SEPTIN7: variants seen among roughly 807,000 people sequenced by gnomAD.
SEPTIN7 encodes septin 7, also known as septin-7.
A neutral mutation model predicts 63.3 loss-of-function variants in SEPTIN7; 10 were observed. That is an observed-to-expected ratio of 0.16 (90% CI 0.10 to 0.27). The LOEUF (loss-of-function observed/expected upper bound fraction) is 0.27, where lower values mean the gene tolerates loss of function less well. Ranked by LOEUF, SEPTIN7 falls within the 10% of genes least tolerant of loss-of-function variation. SEPTIN7 has a pLI of 1.00. For missense variants in SEPTIN7, 310 were observed against 521.0 expected (o/e 0.59, Z 3.94); for synonymous variants, 131 against 165.3 (o/e 0.79, Z 1.59).
chr7:35,904,205 T>A (rs368801092), intron 13 of SEPTIN7, 49 bp from the exon 14 acceptor site: 2 of 1,391,572 alleles, frequency 1.4e-6, no homozygotes, highest in Non-Finnish European at 2.0e-6. Context: ...TTGTCTATCA[T>A]GTTTATAAAA....
downstream of SEPTIN7, among the ~76,000 whole-genome samples, chr7:35,910,336 C>T (rs1168677769): frequency 1.3e-5 from 2 of 152,210 alleles, no homozygotes; most frequent in Non-Finnish European, 2.9e-5. Context: ...ATTTAGCTGA[C>T]TTTCTGGGTA....
rs144708018 is a variant in SEPTIN7 at position 35,829,502 on chromosome 7, C to G, written c.62-1990C>G. ...ACAATTTTAAAATAATACTGTGTGC[C>G]AAAGACTGTTCTTGTTGCTAAGGAT... On this transcript the variant is annotated intron_variant, in intron 1 of 13. Coordinates refer to ENST00000350320, the MANE Select transcript of SEPTIN7 (RefSeq NM_001788.6). 4.7e-3 allele frequency among the ~76,000 whole-genome samples: 711 copies of G among 152,186 alleles called. 11 individuals carry two copies. Among genetic ancestry groups the G allele is most frequent in the African/African-American group, 0.016 (674 of 41,528 alleles).
intron 1 of SEPTIN7, among the ~76,000 whole-genome samples, chr7:35,816,085 A>G (rs1789039783): frequency 1.3e-5 from 2 of 152,164 alleles, no homozygotes; most frequent in African/African-American, 4.8e-5. Context: ...ATTTATTGAG[A>G]TAATTTACAT....
chr7:35,877,517 AATT>A (rs1285031722), intron 6 of SEPTIN7, among the ~76,000 whole-genome samples: 1 of 152,212 alleles, frequency 6.6e-6, no homozygotes, highest in African/African-American at 2.4e-5. Context: ...ATGTCAATAA[AATT>A]ATTAACAGAA....
chr7:35,885,798 T>C (rs773209566), intron 9 of SEPTIN7, 30 bp from the exon 10 acceptor site: 447 of 1,557,748 alleles, frequency 2.9e-4, no homozygotes, highest in Non-Finnish European at 3.7e-4. Flanking sequence ...AGTGGAAATA[T>C]AACATATGCG....
At chr7:35,873,870 C>T (rs1463123706) in intron 6 of SEPTIN7, 95 bp downstream of exon 6, 9 of 1,186,524 alleles carry the variant, frequency 7.6e-6, no homozygotes, top group Non-Finnish European at 1.1e-5. Flanking sequence ...TTGTGAAGTA[C>T]ACACAACTAT....
intron 6 of SEPTIN7, among the ~76,000 whole-genome samples, chr7:35,874,949 T>G (rs1469013484): frequency 2.0e-5 from 3 of 152,184 alleles, no homozygotes; most frequent in Non-Finnish European, 4.4e-5. Context: ...TATTTTTAAG[T>G]CATTCTCGTT....
chr7:35,862,163 G>A (rs529377108), intron 3 of SEPTIN7, among the ~76,000 whole-genome samples: 22 of 152,138 alleles, frequency 1.4e-4, no homozygotes, highest in Non-Finnish European at 1.2e-4. Context: ...AAAATCATCC[G>A]TATTGTACTA....
chr7:35,904,383 C>A lies in SEPTIN7; in HGVS notation c.*90C>A. 2 of 1,034,150 alleles carry A rather than the reference C, an allele frequency of 1.9e-6. No homozygotes were observed. Among genetic ancestry groups the A allele is most frequent in the East Asian group, 2.8e-5 (1 of 35,486 alleles). The allele number at this position is 1,034,150 out of a possible 1,614,324, so 64.1% of individuals were successfully genotyped here. A position where few individuals can be genotyped will look rare whatever the true frequency, so the allele number is the denominator to read the frequency against. On this transcript the variant is annotated 3_prime_UTR_variant, in exon 14 of 14. Transcript: ENST00000350320. ...TTGGATCCGTTTGACCAATTTGCACCAGTTTTATCCATAATGATGGATTTA... is the reference window on the plus strand; with the variant it reads ...TTGGATCCGTTTGACCAATTTGCACAAGTTTTATCCATAATGATGGATTTA...
chr7:35,907,518 TG>T (rs989025882), downstream of SEPTIN7, among the ~76,000 whole-genome samples: 6 of 152,012 alleles, frequency 3.9e-5, no homozygotes, highest in Non-Finnish European at 8.8e-5. Flanking sequence ...TGCAAAAGGA[TG>T]AGGAAACTGA....
downstream of SEPTIN7, among the ~76,000 whole-genome samples, chr7:35,909,145 ACT>A (rs963902719): frequency 1.3e-5 from 2 of 152,082 alleles, no homozygotes; most frequent in South Asian, 2.1e-4. Flanking sequence ...CTTAGGGATA[ACT>A]CTCAATGTGA....
rs376614453 is a variant in SEPTIN7, at chr7:35,830,140, G to A, written c.62-1352G>A. 3.6e-4 allele frequency among the ~76,000 whole-genome samples: 55 copies of A among 151,532 alleles called. No homozygotes were observed. In the South Asian group the frequency reaches 0.01, roughly 29 times the overall value. On this transcript the variant is annotated intron_variant, in intron 1 of 13. Transcript: ENST00000350320. ...AGAGGTTGCAGTGAGCCGAGATCGCGCCACTGCCCCCCAGCCTGGGCAACA... is the reference window on the plus strand; with the variant it reads ...AGAGGTTGCAGTGAGCCGAGATCGCACCACTGCCCCCCAGCCTGGGCAACA...
intron 3 of SEPTIN7, among the ~76,000 whole-genome samples, chr7:35,859,833 A>C (rs770617404): frequency 6.6e-6 from 1 of 152,188 alleles, no homozygotes; most frequent in Non-Finnish European, 1.5e-5. Flanking sequence ...TGCATGAAGT[A>C]TCTTTTTCCA....
chr7:35,808,460 C>T (rs1788494624), intron 1 of SEPTIN7, among the ~76,000 whole-genome samples: 1 of 152,158 alleles, frequency 6.6e-6, no homozygotes, highest in African/African-American at 2.4e-5. Flanking sequence ...ATAACCGTTA[C>T]ATGATATCTC....
Position 35,843,365 on chromosome 7 carries a change from A to T in SEPTIN7, c.169+10465A>T, listed in dbSNP as rs1282809152. On this transcript the variant is annotated intron_variant, in intron 3 of 13. Transcript: ENST00000350320. ...TATGCTCTATTAGAAACTTTTCCTCATTCCGTAGGCTCTAATACCCTAATA... is the reference window on the plus strand; with the variant it reads ...TATGCTCTATTAGAAACTTTTCCTCTTTCCGTAGGCTCTAATACCCTAATA... Among the ~76,000 whole-genome samples the T allele has an allele frequency of 2.0e-5, 3 of 152,096 alleles. No homozygotes were observed. In the East Asian group the frequency reaches 5.8e-4, roughly 29 times the overall value.
chr7:35,898,468 C>A, intron 12 of SEPTIN7, 85 bp downstream of exon 12: 4 of 850,776 alleles, frequency 4.7e-6, no homozygotes, highest in Admixed American at 2.8e-5. Flanking sequence ...GATAATATAA[C>A]CTTTTTATAC....
At chr7:35,870,591 A>G (rs1035540080) in intron 4 of SEPTIN7, among the ~76,000 whole-genome samples, 4 of 152,190 alleles carry the variant, frequency 2.6e-5, no homozygotes, top group Non-Finnish European at 4.4e-5. Flanking sequence ...AGGAGATGGA[A>G]GTGAATTCAA....
At chr7:35,810,917 C>A (rs1788664116) in intron 1 of SEPTIN7, among the ~76,000 whole-genome samples, 1 of 152,078 alleles carries the variant, frequency 6.6e-6, no homozygotes, top group African/African-American at 2.4e-5. Flanking sequence ...CAGGCACATG[C>A]CACCACGCCT....
intron 1 of SEPTIN7, among the ~76,000 whole-genome samples, chr7:35,814,150 C>A (rs1004865572): frequency 2.0e-5 from 3 of 151,686 alleles, no homozygotes; most frequent in Non-Finnish European, 4.4e-5. Context: ...TTGGTAAATT[C>A]TTGGGGTAAG....
Sources: gnomAD v4.1 joint callset for allele counts (sites outside exome capture counted in the v4.1 genomes callset) on GRCh38, gnomAD v4.1.1 for gene constraint, MANE v1.5 for transcripts, NCBI Gene and HGNC (gene_info 2026-07-23, HGNC 2026-07-21) for gene names.